Variants in COL6A3 observed in about 807,000 individuals in gnomAD.
The protein encoded by COL6A3 is collagen alpha-3(VI) chain.
A neutral mutation model predicts 274.1 loss-of-function variants in COL6A3; 137 were observed. The observed-to-expected ratio is 0.50, with a 90% CI of 0.44 to 0.58. The LOEUF (loss-of-function observed/expected upper bound fraction) is 0.58. Among genes scored for constraint, COL6A3 ranks in the 20% least tolerant of loss-of-function variants. The pLI, the probability that COL6A3 is intolerant of heterozygous loss-of-function variation, is 0.00. For synonymous variants in COL6A3, 1,650 were observed against 1,650.6 expected (o/e 1.00, Z 0.01); for missense variants, 3,950 against 4,124.9 (o/e 0.96, Z 1.16).
At position 237,380,968 on chromosome 2, in the gene COL6A3, C is replaced by A; in HGVS notation, c.1844G>T (p.Gly615Val). ...AGGTGCCAGCAAGCCAGGCAGCATG[C>A]CTTGCAATGGGGCGGCTCGGAACTC... Reference protein sequence around the residue: ...PAEFRAAPLQGMLPGLLAPLR... With the variant: ...PAEFRAAPLQVMLPGLLAPLR... Residue 615 changes from glycine (G) to valine (V), a missense_variant, in exon 5 of 44, where the codon GGC becomes GTC. This residue lies in a region of COL6A3 where 1,934 missense variants were observed against 1,984.3 expected (regional missense o/e 0.97). Transcript: ENST00000295550. 1.2e-6 allele frequency: 2 copies of A among 1,614,198 alleles called. No individual in the cohort carries two copies. The highest frequency in any genetic ancestry group is 1.7e-5 in the Admixed American group (1 of 60,028).
rs772599010 is a variant in COL6A3 at position 237,407,347 on chromosome 2, G to A, written c.-31+6606C>T. Reference sequence around the variant, plus strand: ...ACTAGACCTCCTTTGTCACCTACTGGGGTCCTTTGTCACTTACGGGGGTCC... The same window carrying A: ...ACTAGACCTCCTTTGTCACCTACTGAGGTCCTTTGTCACTTACGGGGGTCC... On this transcript the variant is annotated intron_variant, in intron 1 of 43. Transcript: ENST00000295550. The surrounding 1 kb of genome is among the most constrained non-coding windows in gnomAD (Gnocchi z 4.3). Among the ~76,000 whole-genome samples, 1 of 152,114 alleles carries A rather than the reference G, an allele frequency of 6.6e-6. No homozygotes were observed.
In COL6A3 at chr2:237,366,682, G is replaced by C; in HGVS notation, c.5500+5C>G. 3 of 1,614,240 alleles carry C rather than the reference G, an allele frequency of 1.9e-6. No homozygotes were observed. The highest frequency in any genetic ancestry group is 2.5e-6 in the Non-Finnish European group (3 of 1,180,048). On this transcript the variant is annotated splice_donor_5th_base_variant and intron_variant, in intron 11 of 43. Coordinates refer to ENST00000295550, the MANE Select transcript of COL6A3 (RefSeq NM_004369.4). ...GATGGAAAATATGCACATAATGGGA[G>C]TTACCTTTGGCAGCATCAGTTACAC...
rs540955708 is a variant in COL6A3 at position 237,413,009 on chromosome 2, A to T, written c.-31+944T>A. On this transcript the variant is annotated intron_variant, in intron 1 of 43. Transcript: ENST00000295550. The surrounding 1 kb of genome is among the most constrained non-coding windows in gnomAD (Gnocchi z 4.0). ...CTAGTCCCTCCCAGTGACCCCACCC[A>T]TACTTCAATACCCGTTCATTATCCA... Among the ~76,000 whole-genome samples the T allele has an allele frequency of 1.3e-5, 2 of 152,120 alleles. No individual in the cohort carries two copies. Among genetic ancestry groups the T allele is most frequent in the African/African-American group, 4.8e-5 (2 of 41,440 alleles).
intron 1 of COL6A3, among the ~76,000 whole-genome samples, chr2:237,412,880 G>A (rs183998170): frequency 1.3e-5 from 2 of 152,226 alleles, no homozygotes; most frequent in East Asian, 3.9e-4. Context: ...ATCCAGCACA[G>A]CAGACTCCCC....
intron 1 of COL6A3, 25 bp from the exon 2 acceptor site, chr2:237,396,872 G>T: frequency 6.5e-7 from 1 of 1,534,562 alleles, no homozygotes; most frequent in South Asian, 1.1e-5. Flanking sequence ...AGGGCAAAGG[G>T]AATGATCAGT....
At chr2:237,377,714 T>C (rs1230088393) in intron 6 of COL6A3, among the ~76,000 whole-genome samples, 3 of 151,496 alleles carry the variant, frequency 2.0e-5, no homozygotes, top group African/African-American at 7.3e-5. Flanking sequence ...GCCCTTAATA[T>C]ACCTTTGCTT....
intron 1 of COL6A3, among the ~76,000 whole-genome samples, chr2:237,409,406 A>G (rs12477690): frequency 6.6e-6 from 1 of 152,030 alleles, no homozygotes; most frequent in Non-Finnish European, 1.5e-5. Context: ...TCAACTCGTC[A>G]TTTAGCATTA....
At chr2:237,341,980 A>C in intron 37 of COL6A3, 85 bp downstream of exon 37, 1 of 1,089,060 alleles carries the variant, frequency 9.2e-7, no homozygotes, top group Non-Finnish European at 1.4e-6. Context: ...CTTTTTACAG[A>C]TCATCATTAT....
intron 1 of COL6A3, among the ~76,000 whole-genome samples, chr2:237,399,475 T>C (rs531431603): frequency 6.6e-6 from 1 of 152,340 alleles, no homozygotes; most frequent in East Asian, 1.9e-4. Flanking sequence ...CAACGTTTCA[T>C]TCATCAGCAT....
chr2:237,381,324 T>C lies in COL6A3; in HGVS notation c.1488A>G (p.Glu496=). The C allele has an allele frequency of 6.2e-7, 1 of 1,614,208 alleles. No homozygotes were observed. Among genetic ancestry groups the C allele is most frequent in the Non-Finnish European group, 8.5e-7 (1 of 1,180,034 alleles). Residue 496 remains glutamate (E), a synonymous_variant, in exon 5 of 44, where the codon GAA becomes GAG. Coordinates refer to ENST00000295550, the MANE Select transcript of COL6A3 (RefSeq NM_004369.4). ...VAQYADTVRP[E]FYFNTHPTKR... is the part of the protein sequence containing the mutation. ...TTGTTGGATGGGTATTGAAATAAAATTCAGGCCTCACAGTGTCTGCATACT... is the reference window on the plus strand; with the variant it reads ...TTGTTGGATGGGTATTGAAATAAAACTCAGGCCTCACAGTGTCTGCATACT...
At chr2:237,388,521 A>G (rs577538083) in intron 3 of COL6A3, among the ~76,000 whole-genome samples, 1 of 152,336 alleles carries the variant, frequency 6.6e-6, no homozygotes, top group East Asian at 1.9e-4. Flanking sequence ...ATTTGGAGGG[A>G]AAAGTAGTAG....
chr2:237,408,268 G>C (rs1223613783), intron 1 of COL6A3, among the ~76,000 whole-genome samples: 3 of 152,150 alleles, frequency 2.0e-5, no homozygotes, highest in African/African-American at 7.2e-5. Flanking sequence ...GCAATGGTCG[G>C]CCAATCTCTC....
rs398124137 is a variant in COL6A3, at chr2:237,325,757, G to A, written c.9329-33C>T. On this transcript the variant is annotated intron_variant, in intron 42 of 43. Coordinates refer to ENST00000295550, the MANE Select transcript of COL6A3 (RefSeq NM_004369.4). Reference sequence around the variant, plus strand: ...AAAAACATGAGAAAAGGATATTAATGAGAACATGCGTGTTACTCGGCTCCC... The same window carrying A: ...AAAAACATGAGAAAAGGATATTAATAAGAACATGCGTGTTACTCGGCTCCC... The A allele has an allele frequency of 1.4e-5, 22 of 1,590,344 alleles. No individual in the cohort carries two copies. The highest frequency in any genetic ancestry group is 1.9e-5 in the Non-Finnish European group (22 of 1,162,912).
chr2:237,325,717 G>C lies in COL6A3; in HGVS notation c.9336C>G (p.Cys3112Trp). 6.2e-7 allele frequency: 1 copy of C among 1,613,276 alleles called. No homozygotes were observed. Among genetic ancestry groups the C allele is most frequent in the East Asian group, 2.2e-5 (1 of 44,876 alleles). Residue 3112 changes from cysteine to tryptophan, a missense_variant, in exon 43 of 44, where the codon TGC (cysteine) becomes TGG (tryptophan). Cys to Trp is a radical substitution (Grantham distance 215). Coordinates refer to ENST00000295550, the MANE Select transcript of COL6A3 (RefSeq NM_004369.4). Reference protein sequence around the residue: ...EPLALTETDICKLPKDEGTCR... With the variant: ...EPLALTETDIWKLPKDEGTCR... ...AAGTTCCTTCGTCTTTCGGCAACTT[G>C]CATATATCTTTAATAAAAACATGAG...
In COL6A3 at chr2:237,363,380, A is replaced by G; in HGVS notation, c.5936T>C (p.Leu1979Pro). The G allele has an allele frequency of 6.2e-7, 1 of 1,614,226 alleles. No homozygotes were observed. The highest frequency in any genetic ancestry group is 8.5e-7 in the Non-Finnish European group (1 of 1,180,052). Reference sequence around the variant, plus strand: ...GTTGACCACTCGTTCAAGGCCCACCAGGATCAAGGCACGGACTCCTGCAAA... The same window carrying G: ...GTTGACCACTCGTTCAAGGCCCACCGGGATCAAGGCACGGACTCCTGCAAA... ...LRQEGVRALI[L>P]VGLERVVNLE... The change falls in exon 14 of 44, where the codon CTG becomes CCG. Residue 1979 changes from leucine (L) to proline (P), a missense_variant. Around this residue, in one of 5 missense-constraint regions of COL6A3, gnomAD observed 632 missense variants for 623.4 expected, o/e 1.01. Coordinates refer to ENST00000295550, the MANE Select transcript of COL6A3 (RefSeq NM_004369.4).
Position 237,324,556 on chromosome 2 carries a change from C to A in COL6A3, c.*218G>T. ...ACTGTTACACAACATTCAAAGTATTCGAGAGAACTGCCTGGAGACAGAGAG... is the reference window on the plus strand; with the variant it reads ...ACTGTTACACAACATTCAAAGTATTAGAGAGAACTGCCTGGAGACAGAGAG... On this transcript the variant is annotated 3_prime_UTR_variant, in exon 44 of 44. Coordinates refer to ENST00000295550, the MANE Select transcript of COL6A3 (RefSeq NM_004369.4). The A allele has an allele frequency of 3.6e-6, 2 of 560,996 alleles. No individual in the cohort carries two copies. Among genetic ancestry groups the A allele is most frequent in the Non-Finnish European group, 6.5e-6 (2 of 309,300 alleles). 34.8% of individuals were successfully genotyped at this position (560,996 alleles called of 1,614,324 possible).
chr2:237,331,788 C>G (rs1700240943), intron 42 of COL6A3, among the ~76,000 whole-genome samples: 2 of 150,854 alleles, frequency 1.3e-5, no homozygotes, highest in Admixed American at 1.3e-4. Context: ...TGCATGTGTA[C>G]ACACATACAT....
chr2:237,400,625 T>C (rs1288242014), intron 1 of COL6A3, among the ~76,000 whole-genome samples: 1 of 142,614 alleles, frequency 7.0e-6, no homozygotes, highest in African/African-American at 2.6e-5. Context: ...AAACCTTCCA[T>C]AAAAAAAAAA....
rs2106352992 is a variant in COL6A3, at chr2:237,368,915, A to G, written c.4548T>C (p.Thr1516=). 1.9e-6 allele frequency: 3 copies of G among 1,614,182 alleles called. No individual in the cohort carries two copies. The highest frequency in any genetic ancestry group is 1.1e-5 in the South Asian group (1 of 91,072). ...TTGCCACAAATTCGAGAGCCTTGCC[A>G]GTGTTCAGTGGGGACCCCCCTCTGA... ...LRLRGGSPLN[T]GKALEFVARN... Residue 1516 remains threonine (T), a synonymous_variant, in exon 10 of 44, where the codon ACT becomes ACC. Coordinates refer to ENST00000295550, the MANE Select transcript of COL6A3 (RefSeq NM_004369.4). The surrounding 1 kb of genome is among the most constrained non-coding windows in gnomAD (Gnocchi z 4.4).
Sources: gnomAD v4.1 joint callset for allele counts (sites outside exome capture counted in the v4.1 genomes callset) on GRCh38, gnomAD v4.1.1 for gene constraint, gnomAD v4.1.1 regional missense constraint, Gnocchi (gnomAD v3.1) non-coding constraint, MANE v1.5 for transcripts, NCBI Gene and HGNC (gene_info 2026-07-23, HGNC 2026-07-21) for gene names.